The following MAML2 variants were observed in gnomAD, a reference collection of about 807,000 sequenced individuals.
The protein encoded by MAML2 is mastermind-like protein 2.
Under a neutral mutation model 96.1 loss-of-function variants are expected in MAML2, and 22 were observed. The ratio of observed to expected loss-of-function variants is 0.23; its 90% CI spans 0.16 to 0.33. MAML2 has a LOEUF of 0.33. Among genes scored for constraint, MAML2 ranks in the 10% least tolerant of loss-of-function variants. The pLI, the probability that MAML2 is intolerant of heterozygous loss-of-function variation, is 1.00. For synonymous variants in MAML2, 561 were observed against 521.3 expected (o/e 1.08, Z -1.04); for missense variants, 1,367 against 1,392.4 (o/e 0.98, Z 0.29).
At chr11:96,003,246 G>GGAGAA (rs761643968) in intron 2 of MAML2, among the ~76,000 whole-genome samples, 2 of 152,066 alleles carry the variant, frequency 1.3e-5, no homozygotes, top group Non-Finnish European at 2.9e-5. Flanking sequence ...TGGAAGGCAG[G>GGAGAA]GAGAAGGCAC....
intron 1 of MAML2, among the ~76,000 whole-genome samples, chr11:96,196,297 T>C (rs1861730301): frequency 6.8e-6 from 1 of 146,794 alleles, no homozygotes; most frequent in Non-Finnish European, 1.5e-5. Context: ...GATTTTCATT[T>C]TAGGAAAGGT....
intron 1 of MAML2, among the ~76,000 whole-genome samples, chr11:96,120,542 C>T (rs1268227302): frequency 6.6e-6 from 1 of 152,206 alleles, no homozygotes; most frequent in South Asian, 2.1e-4. Flanking sequence ...GTAAGTCTAC[C>T]TCCCAGCTCC....
Position 95,993,515 on chromosome 11 carries a change from G to A in MAML2, c.2140-1792C>T, listed in dbSNP as rs565064893. On this transcript the variant is annotated intron_variant, in intron 2 of 4. Coordinates refer to ENST00000524717, the MANE Select transcript of MAML2 (RefSeq NM_032427.4). ...GAACCTAGGAGGCAGAGGTTGCAGC[G>A]ACCCGAGATTGTGCCGCTGCACTCC... Among the ~76,000 whole-genome samples, 35 of 152,230 alleles carry A rather than the reference G, an allele frequency of 2.3e-4. 1 individual carries two copies. The South Asian group carries it at 5.8e-3, about 25-fold the overall frequency.
intron 1 of MAML2, among the ~76,000 whole-genome samples, chr11:96,313,296 T>A (rs1278910424): frequency 1.3e-5 from 2 of 152,172 alleles, no homozygotes; most frequent in African/African-American, 4.8e-5. Flanking sequence ...CCTGAGCAGC[T>A]GTTAGAAATG....
Position 96,092,116 on chromosome 11 carries a change from GGGC to G in MAML2, c.1912_1914del (p.Ala638del). The G allele has an allele frequency of 1.3e-6, 2 of 1,549,482 alleles. No homozygotes were observed. The highest frequency in any genetic ancestry group is 1.7e-6 in the Non-Finnish European group (2 of 1,146,182). On this transcript the variant is annotated inframe_deletion, in exon 2 of 5. Coordinates refer to ENST00000524717, the MANE Select transcript of MAML2 (RefSeq NM_032427.4). The surrounding 1 kb of genome is among the most constrained non-coding windows in gnomAD (Gnocchi z 4.1). ...TGTTGTTGCTGCTGCTGCTGCTGTT[GGGC>G]TGAAATTGAGCTCTGCTGCTGTTGC...
chr11:96,261,497 G>T lies in MAML2; in HGVS notation c.513+79886C>A, dbSNP rs376573838. On this transcript the variant is annotated intron_variant, in intron 1 of 4. Coordinates refer to ENST00000524717, the MANE Select transcript of MAML2 (RefSeq NM_032427.4). ...GGTGTATTCTATAGCTATAACCGTA[G>T]AATTGCTTTTGTTAAGTATATTTAT... 7.2e-5 allele frequency among the ~76,000 whole-genome samples: 11 copies of T among 152,164 alleles called. No individual in the cohort carries two copies. The South Asian group carries it at 1.5e-3, about 20-fold the overall frequency.
At chr11:96,123,355 G>A (rs1860382917) in intron 1 of MAML2, among the ~76,000 whole-genome samples, 1 of 151,876 alleles carries the variant, frequency 6.6e-6, no homozygotes. Context: ...GCTCCTCCAG[G>A]TCAGGGAGCT....
Position 95,979,670 on chromosome 11 carries a change from T to C in MAML2, c.2749A>G (p.Ser917Gly). 2 of 1,614,020 alleles carry C rather than the reference T, an allele frequency of 1.2e-6. No homozygotes were observed. Among genetic ancestry groups the C allele is most frequent in the African/African-American group, 2.7e-5 (2 of 75,072 alleles). Residue 917 changes from serine (S) to glycine (G), a missense_variant, in exon 5 of 5, where the codon AGT (serine) becomes GGT (glycine). Coordinates refer to ENST00000524717, the MANE Select transcript of MAML2 (RefSeq NM_032427.4). ...AAAGTGGCTACATTGTTATTATTAC[T>C]TGGCCCTAAGGTAGGTGGCCGTGGC... ...MMPRPPTLGPSNNNNVATFGA... is the reference protein window; with the variant it reads ...MMPRPPTLGPGNNNNVATFGA...
At chr11:96,137,518 T>C (rs1393417165) in intron 1 of MAML2, among the ~76,000 whole-genome samples, 1 of 152,258 alleles carries the variant, frequency 6.6e-6, no homozygotes, top group Non-Finnish European at 1.5e-5. Context: ...GGACAACACA[T>C]GTACTGGGAG....
chr11:96,173,250 G>A (rs529433606), intron 1 of MAML2, among the ~76,000 whole-genome samples: 2 of 152,156 alleles, frequency 1.3e-5, no homozygotes, highest in Non-Finnish European at 2.9e-5. Context: ...CTCAAATGTA[G>A]AGTATATTTT....
intron 1 of MAML2, among the ~76,000 whole-genome samples, chr11:96,154,929 C>G (rs1205747924): frequency 1.3e-5 from 2 of 152,180 alleles, no homozygotes; most frequent in African/African-American, 4.8e-5. Flanking sequence ...GCCCCAGTAG[C>G]TGTAACACTC....
intron 1 of MAML2, among the ~76,000 whole-genome samples, chr11:96,110,940 C>T (rs1384292942): frequency 1.3e-5 from 2 of 152,202 alleles, no homozygotes; most frequent in African/African-American, 4.8e-5. Flanking sequence ...TTTGACCAGA[C>T]AGTTTCATGC....
chr11:96,188,543 G>A (rs1049823211), intron 1 of MAML2, among the ~76,000 whole-genome samples: 9 of 152,170 alleles, frequency 5.9e-5, no homozygotes, highest in Non-Finnish European at 1.3e-4. Flanking sequence ...ATTATGGCAA[G>A]TACAACAGGC....
chr11:96,103,742 A>T (rs949300351), intron 1 of MAML2, among the ~76,000 whole-genome samples: 7 of 152,080 alleles, frequency 4.6e-5, no homozygotes, highest in Admixed American at 4.6e-4. Context: ...CGCGGTAAGC[A>T]ATCAAGTATT....
chr11:96,220,639 T>C (rs1862122620), intron 1 of MAML2, among the ~76,000 whole-genome samples: 1 of 152,200 alleles, frequency 6.6e-6, no homozygotes, highest in Admixed American at 6.5e-5. Context: ...TTTTTTGTCA[T>C]CCTTGGGTAT....
intron 2 of MAML2, among the ~76,000 whole-genome samples, chr11:96,026,941 A>G (rs964071942): frequency 3.9e-5 from 6 of 152,208 alleles, no homozygotes; most frequent in Admixed American, 2.6e-4. Flanking sequence ...GCTAACACCT[A>G]TAACAGTCCC....
chr11:96,203,088 T>A (rs1462021568), intron 1 of MAML2, among the ~76,000 whole-genome samples: 1 of 152,188 alleles, frequency 6.6e-6, no homozygotes, highest in Non-Finnish European at 1.5e-5. Flanking sequence ...AAATGTAACA[T>A]ATCAGGCTAC....
At chr11:96,268,532 C>T (rs1862863246) in intron 1 of MAML2, among the ~76,000 whole-genome samples, 4 of 152,164 alleles carry the variant, frequency 2.6e-5, no homozygotes, top group Middle Eastern at 6.8e-3. Flanking sequence ...TTCCAAGGAA[C>T]AAACATTTGA....
intron 1 of MAML2, among the ~76,000 whole-genome samples, chr11:96,274,762 A>G (rs2135981929): frequency 6.6e-6 from 1 of 152,280 alleles, no homozygotes; most frequent in East Asian, 1.9e-4. Flanking sequence ...TCTGGATTAG[A>G]TGTTTAATTT....
Sources: allele counts gnomAD v4.1 joint callset (sites outside exome capture counted in the v4.1 genomes callset), GRCh38; gene constraint gnomAD v4.1.1; non-coding constraint Gnocchi (gnomAD v3.1); transcripts MANE v1.5; gene names NCBI Gene and HGNC (gene_info 2026-07-23, HGNC 2026-07-21).